The following TCF20 variants were observed in gnomAD, a reference collection of about 807,000 sequenced individuals.
TCF20 encodes transcription factor 20, also known as SPRE-binding protein.
A neutral mutation model predicts 148.6 loss-of-function variants in TCF20; 3 were observed. That is an observed-to-expected ratio of 0.02 (90% CI 0.01 to 0.05). The LOEUF (loss-of-function observed/expected upper bound fraction) is 0.05, where lower values mean the gene tolerates loss of function less well. Ranked by LOEUF, TCF20 falls within the 10% of genes least tolerant of loss-of-function variation. The pLI is 1.00. For missense variants in TCF20, 2,350 were observed against 2,429.3 expected (o/e 0.97, Z 0.69); for synonymous variants, 1,049 against 909.5 (o/e 1.15, Z -2.76).
intron 1 of TCF20, among the ~76,000 whole-genome samples, chr22:42,253,294 A>G (rs1925525970): frequency 6.6e-6 from 1 of 152,216 alleles, no homozygotes; most frequent in Non-Finnish European, 1.5e-5. Context: ...TAGAGACGCT[A>G]CTTGAGTTGC....
chr22:42,175,547 G>T (rs1936399695), intron 3 of TCF20, among the ~76,000 whole-genome samples: 1 of 151,956 alleles, frequency 6.6e-6, no homozygotes, highest in Non-Finnish European at 1.5e-5. Context: ...CACCATGTTG[G>T]CCAGGCTGGT....
At chr22:42,273,558 CTGT>C (rs1212353077), upstream of TCF20, among the ~76,000 whole-genome samples, 5 of 151,752 alleles carry the variant, frequency 3.3e-5, no homozygotes, top group Admixed American at 6.6e-5. Context: ...TTAGTGTTTT[CTGT>C]TGTTCTCTCA....
intron 2 of TCF20, among the ~76,000 whole-genome samples, chr22:42,209,162 T>C (rs1427811031): frequency 6.6e-6 from 1 of 152,200 alleles, no homozygotes; most frequent in Non-Finnish European, 1.5e-5. Context: ...TGCTCAGATA[T>C]ATAGGATCTC....
chr22:42,231,934 A>G lies in TCF20; in HGVS notation c.-36-16593T>C, dbSNP rs900241535. 3.3e-5 allele frequency among the ~76,000 whole-genome samples: 5 copies of G among 152,028 alleles called. 1 individual carries two copies. The highest frequency in any genetic ancestry group is 1.2e-4 in the African/African-American group (5 of 41,500). On this transcript the variant is annotated intron_variant, in intron 1 of 5. Coordinates refer to ENST00000677622, the MANE Select transcript of TCF20 (RefSeq NM_001378418.1). ...ACAGAGAGAGACTCCGTCTCAAAAA[A>G]AAAAAAAAAAAAGTTACAGTAATCT...
At chr22:42,244,778 A>T (rs770414911) in intron 1 of TCF20, among the ~76,000 whole-genome samples, 9 of 152,154 alleles carry the variant, frequency 5.9e-5, no homozygotes, top group Admixed American at 3.9e-4. Flanking sequence ...CGTGAATTTC[A>T]TATCAATTTA....
chr22:42,242,534 T>C (rs2147316616), intron 1 of TCF20, among the ~76,000 whole-genome samples: 1 of 152,226 alleles, frequency 6.6e-6, no homozygotes, highest in East Asian at 1.9e-4. Flanking sequence ...CTTACAACAC[T>C]CTCAGCACGT....
At chr22:42,170,626 CAAA>C (rs58579686) in intron 3 of TCF20, among the ~76,000 whole-genome samples, 74 of 72,080 alleles carry the variant, frequency 1.0e-3, no homozygotes, top group African/African-American at 3.7e-3. Context: ...GACTCCGTCT[CAAA>C]AAAAAAAAAA....
chr22:42,174,649 T>C (rs555821631), intron 3 of TCF20, among the ~76,000 whole-genome samples: 24 of 152,174 alleles, frequency 1.6e-4, no homozygotes, highest in Non-Finnish European at 3.2e-4. Flanking sequence ...CCCAGCTAGT[T>C]GGGAGGATCG....
At chr22:42,181,527 T>C (rs1003328134) in intron 2 of TCF20, among the ~76,000 whole-genome samples, 4 of 151,704 alleles carry the variant, frequency 2.6e-5, no homozygotes, top group Non-Finnish European at 5.9e-5. Context: ...GGAATGGGTA[T>C]GGTCAAGCAT....
At chr22:42,331,419 C>G (rs1205022722) in intron 1 of TCF20, among the ~76,000 whole-genome samples, 1 of 152,220 alleles carries the variant, frequency 6.6e-6, no homozygotes, top group African/African-American at 2.4e-5. Context: ...ATTTCTATAG[C>G]CCACGAGAGA....
Position 42,211,094 on chromosome 22 carries a change from G to A in TCF20, c.4212C>T (p.Asp1404=), listed in dbSNP as rs1261253713. The part of the protein sequence containing the change: ...EGGSVAVQDA[D]IEKRKGEVAS... ...CCACCTCACCTTTTCTCTTCTCTAT[G>A]TCAGCATCCTGAACAGCAACACTCC... Residue 1404 remains aspartate, a synonymous_variant, in exon 2 of 6, where the codon GAC becomes GAT. Coordinates refer to ENST00000677622, the MANE Select transcript of TCF20 (RefSeq NM_001378418.1). 1.9e-6 allele frequency: 3 copies of A among 1,614,132 alleles called. No individual in the cohort carries two copies. The highest frequency in any genetic ancestry group is 1.3e-5 in the African/African-American group (1 of 75,008).
Position 42,215,143 on chromosome 22 carries a change from T to C in TCF20, c.163A>G (p.Ser55Gly), listed in dbSNP as rs756722133. 4.4e-6 allele frequency: 7 copies of C among 1,606,816 alleles called. No individual in the cohort carries two copies. Among genetic ancestry groups the C allele is most frequent in the Non-Finnish European group, 6.0e-6 (7 of 1,173,560 alleles). Residue 55 changes from serine to glycine, a missense_variant, in exon 2 of 6, where the codon AGT (serine) becomes GGT (glycine). Physicochemically the swap from Ser to Gly is moderately conservative, Grantham distance 56 (BLOSUM62 0). Transcript: ENST00000677622. ...GGSSGSSGSG[S>G]GGGRRGAAAA... Reference sequence around the variant, plus strand: ...GCTGCTCCTCGTCGTCCACCACCACTGCCACTGCCACTGCTGCCACTACTG... The same window carrying C: ...GCTGCTCCTCGTCGTCCACCACCACCGCCACTGCCACTGCTGCCACTACTG...
At chr22:42,328,623 G>A (rs1927915908) in intron 1 of TCF20, among the ~76,000 whole-genome samples, 1 of 152,214 alleles carries the variant, frequency 6.6e-6, no homozygotes, top group African/African-American at 2.4e-5. Flanking sequence ...CCCACGCCCT[G>A]AGCAAGTCAC....
chr22:42,199,074 T>C (rs111849327), intron 2 of TCF20, among the ~76,000 whole-genome samples: 19 of 152,356 alleles, frequency 1.2e-4, no homozygotes, highest in African/African-American at 3.8e-4. Flanking sequence ...AATCAGCACA[T>C]GGACAAAATC....
chr22:42,211,418 G>C lies in TCF20; in HGVS notation c.3888C>G (p.Phe1296Leu), dbSNP rs759427611. ...TGTGAGAAAGATGGGCATAGGAATT[G>C]AATGCTTTATCAGCGCCTTCTTTTG... ...HSSKEGADKA[F>L]NSYAHLSHSQ... Residue 1296 changes from phenylalanine (F) to leucine (L), a missense_variant, in exon 2 of 6, where the codon TTC becomes TTG. Physicochemically the swap from Phe to Leu is conservative, Grantham distance 22. Transcript: ENST00000677622. 9 of 1,614,182 alleles carry C rather than the reference G, an allele frequency of 5.6e-6. No homozygotes were observed. In the South Asian group the frequency reaches 9.9e-5, roughly 18 times the overall value.
chr22:42,288,303 C>T (rs1010947328), upstream of TCF20, among the ~76,000 whole-genome samples: 6 of 151,954 alleles, frequency 3.9e-5, no homozygotes, highest in African/African-American at 9.7e-5. Flanking sequence ...GTTGGGAGGC[C>T]GAGGCAGGCA....
At chr22:42,194,611 G>GGGTAGC (rs1937505996) in intron 2 of TCF20, among the ~76,000 whole-genome samples, 2 of 151,796 alleles carry the variant, frequency 1.3e-5, no homozygotes, top group Admixed American at 1.3e-4. Flanking sequence ...GTGGGGGCGG[G>GGGTAGC]GGTAGCGGTA....
At chr22:42,207,642 C>G (rs185696339) in intron 2 of TCF20, among the ~76,000 whole-genome samples, 6 of 152,200 alleles carry the variant, frequency 3.9e-5, no homozygotes, top group Admixed American at 3.3e-4. Context: ...GTGGAGAAAC[C>G]TCATGTCTTC....
chr22:42,240,744 G>A (rs1465741767), intron 1 of TCF20, among the ~76,000 whole-genome samples: 1 of 152,142 alleles, frequency 6.6e-6, no homozygotes, highest in Non-Finnish European at 1.5e-5. Flanking sequence ...CCTGTGAACT[G>A]AGGCCCCATA....
Sources: gnomAD v4.1 joint callset for allele counts (sites outside exome capture counted in the v4.1 genomes callset) on GRCh38, gnomAD v4.1.1 for gene constraint, MANE v1.5 for transcripts, NCBI Gene and HGNC (gene_info 2026-07-23, HGNC 2026-07-21) for gene names.